Variants in FBXW10 observed in about 807,000 individuals in gnomAD.
FBXW10 encodes F-box/WD repeat-containing protein 10.
In FBXW10, 68 loss-of-function variants were observed where a neutral mutation model predicts 113.1. The ratio of observed to expected loss-of-function variants is 0.60; its 90% confidence interval spans 0.49 to 0.74. The LOEUF (loss-of-function observed/expected upper bound fraction) is 0.74, where lower values mean the gene tolerates loss of function less well. Among genes scored for constraint, FBXW10 ranks in the 30% least tolerant of loss-of-function variants. FBXW10 has a pLI of 0.00. For synonymous variants in FBXW10, 289 were observed against 481.6 expected, an observed-to-expected ratio of 0.60 and a Z score of 5.24; for missense variants, 753 against 1,284.5, an observed-to-expected ratio of 0.59 and a Z score of 6.32.
chr17:18,752,991 A>G (rs2151797142), intron 5 of FBXW10, among the ~76,000 whole-genome samples: 1 of 152,326 alleles, frequency 6.6e-6, no homozygotes, highest in African/African-American at 2.4e-5. Flanking sequence ...CCAGTGTTTG[A>G]CATTCTAGGA....
chr17:18,745,148 C>T, intron 1 of FBXW10: 2 of 1,053,154 alleles, frequency 1.9e-6, no homozygotes, highest in Non-Finnish European at 2.3e-6. Flanking sequence ...TCTTCAGCTG[C>T]CCTGCACAGA....
intron 9 of FBXW10, among the ~76,000 whole-genome samples, chr17:18,767,997 T>A (rs900072781): frequency 2.0e-5 from 3 of 151,522 alleles, no homozygotes; most frequent in African/African-American, 7.3e-5. Context: ...TTTTTTCTTT[T>A]ATTTTTTCTT....
chr17:18,772,357 T>C, intron 11 of FBXW10, 55 bp from the exon 12 acceptor site: 1 of 1,551,856 alleles, frequency 6.4e-7, no homozygotes. Context: ...CTGCAGTGCA[T>C]CTTTCGGTGG....
chr17:18,768,190 C>T (rs1380213248), intron 9 of FBXW10, among the ~76,000 whole-genome samples: 7 of 152,042 alleles, frequency 4.6e-5, no homozygotes, highest in Non-Finnish European at 7.4e-5. Flanking sequence ...GCCTCAGCCA[C>T]CCGAGTGGCT....
chr17:18,764,700 G>A, intron 7 of FBXW10, 42 bp from the exon 8 acceptor site: 9 of 1,613,574 alleles, frequency 5.6e-6, no homozygotes, highest in African/African-American at 1.3e-5. Context: ...GATCCTCTGG[G>A]CCCTCAGGAA....
chr17:18,770,057 G>T lies in FBXW10; in HGVS notation c.1978G>T (p.Val660Leu). 1 of 1,614,226 alleles carries T rather than the reference G, an allele frequency of 6.2e-7. No individual in the cohort carries two copies. Among genetic ancestry groups the T allele is most frequent in the Non-Finnish European group, 8.5e-7 (1 of 1,180,050 alleles). The change falls in exon 11 of 14, where the codon GTG becomes TTG. Residue 660 changes from valine (V) to leucine (L), a missense_variant. Coordinates refer to ENST00000395665, the MANE Select transcript of FBXW10 (RefSeq NM_001267585.2). ...VLKANGRGDP[V>L]LSFFIQGNRM... ...AAAAGCCAATGGCAGAGGTGATCCT[G>T]TGCTGTCCTTCTTTATTCAGGGCAA... is the stretch of plus-strand genomic sequence containing the variant.
intron 6 of FBXW10, among the ~76,000 whole-genome samples, chr17:18,757,323 A>G (rs1597593480): frequency 6.6e-6 from 1 of 152,196 alleles, no homozygotes; most frequent in African/African-American, 2.4e-5. Context: ...AGCTGGGACT[A>G]TAGGCACATG....
rs576950207 is a variant in FBXW10 at position 18,772,586 on chromosome 17, A to G, written c.2181A>G (p.Arg727=). 2,211 of 1,613,836 alleles carry G rather than the reference A, an allele frequency of 1.4e-3. 39 individuals carry two copies. The South Asian group carries it at 0.023, about 17-fold the overall frequency. ...SKCNIQVHSP[R]ESVSSKQTVI... is the part of the protein sequence containing the mutation. ...GTAATATTCAGGTTCACAGCCCAAG[A>G]GAGTCTGTATCCAGTAAACAAACTG... is the stretch of plus-strand genomic sequence containing the variant. The change falls in exon 12 of 14, where the codon AGA becomes AGG. Residue 727 remains arginine, a synonymous_variant. Coordinates refer to ENST00000395665, the MANE Select transcript of FBXW10 (RefSeq NM_001267585.2).
chr17:18,773,494 G>A (rs2035653414), intron 12 of FBXW10, among the ~76,000 whole-genome samples: 1 of 152,172 alleles, frequency 6.6e-6, no homozygotes. Context: ...GTGTGTGTGT[G>A]TTTGTGTGTG....
chr17:18,766,706 C>A lies in FBXW10; in HGVS notation c.1556-8C>A. 2 of 1,613,786 alleles carry A rather than the reference C, an allele frequency of 1.2e-6. No individual in the cohort carries two copies. Among genetic ancestry groups the A allele is most frequent in the Admixed American group, 1.7e-5 (1 of 60,000 alleles). Reference sequence around the variant, plus strand: ...TCCCATGTCTTCCTCTCTCTCCCTCCTGTTCAGTATGGGATGTAGACACAG... The same window carrying A: ...TCCCATGTCTTCCTCTCTCTCCCTCATGTTCAGTATGGGATGTAGACACAG... On this transcript the variant is annotated splice_region_variant and splice_polypyrimidine_tract_variant and intron_variant, in intron 8 of 13. Coordinates refer to ENST00000395665, the MANE Select transcript of FBXW10 (RefSeq NM_001267585.2).
At chr17:18,771,001 ATAT>A (rs1446526902) in intron 11 of FBXW10, among the ~76,000 whole-genome samples, 7 of 151,908 alleles carry the variant, frequency 4.6e-5, no homozygotes, top group Non-Finnish European at 8.8e-5. Context: ...TCCCTAAACC[ATAT>A]TGCCTTCCTT....
At chr17:18,768,934 A>ATTTT (rs59007149) in intron 10 of FBXW10, among the ~76,000 whole-genome samples, 5,365 of 114,268 alleles carry the variant, frequency 0.047, 320 homozygotes, top group South Asian at 0.093. Flanking sequence ...GAAGTTATTG[A>ATTTT]TTTTTTTTTT....
At chr17:18,770,226 G>C (rs896020846) in intron 11 of FBXW10, 141 bp downstream of exon 11, 29 of 1,314,714 alleles carry the variant, frequency 2.2e-5, no homozygotes, top group Non-Finnish European at 2.9e-5. Context: ...TGGCTGGGTG[G>C]AGCAATAGTC....
chr17:18,765,101 A>C (rs2035468624), intron 8 of FBXW10, among the ~76,000 whole-genome samples: 1 of 152,186 alleles, frequency 6.6e-6, no homozygotes, highest in Non-Finnish European at 1.5e-5. Context: ...TGAGGAGAAA[A>C]AAAATAATAG....
chr17:18,751,327 G>A (rs1241803507), intron 5 of FBXW10, among the ~76,000 whole-genome samples: 4 of 151,526 alleles, frequency 2.6e-5, no homozygotes, highest in East Asian at 3.9e-4. Flanking sequence ...CCGGGTTCAC[G>A]CCATTCTCCT....
intron 12 of FBXW10, among the ~76,000 whole-genome samples, chr17:18,773,336 C>A (rs1193728028): frequency 3.3e-5 from 5 of 152,212 alleles, no homozygotes; most frequent in African/African-American, 1.2e-4. Flanking sequence ...ATACCCCCAC[C>A]CCCCAAATTC....
intron 1 of FBXW10, chr17:18,745,262 C>G: frequency 1.0e-6 from 1 of 958,382 alleles, no homozygotes; most frequent in Non-Finnish European, 1.2e-6. Context: ...TAGAGTTTCT[C>G]CAAGGCTGGA....
At position 18,778,480 on chromosome 17, in the gene FBXW10, G is replaced by A. The variant is rs747191444; in HGVS notation, c.2341G>A (p.Asp781Asn). The change falls in exon 14 of 14, where the codon GAT (aspartate) becomes AAT (asparagine). Residue 781 changes from aspartate (D) to asparagine (N), a missense_variant. Coordinates refer to ENST00000395665, the MANE Select transcript of FBXW10 (RefSeq NM_001267585.2). ...TTTTCTTTTTTTTGAAAAAGCAGAT[G>A]ATGTGGAGAAAGCACAAAAACAAGG... Reference protein sequence around the residue: ...KSKSPRRDADDVEKAQKQGQL... With the variant: ...KSKSPRRDADNVEKAQKQGQL... 11 of 1,612,670 alleles carry A rather than the reference G, an allele frequency of 6.8e-6. No homozygotes were observed. Among genetic ancestry groups the A allele is most frequent in the South Asian group, 5.5e-5 (5 of 90,608 alleles).
At chr17:18,771,727 T>C (rs1237937368) in intron 11 of FBXW10, among the ~76,000 whole-genome samples, 1 of 152,190 alleles carries the variant, frequency 6.6e-6, no homozygotes, top group Non-Finnish European at 1.5e-5. Context: ...ACAAAAACAC[T>C]GAATTTCAAG....
Sources: gnomAD v4.1 joint callset for allele counts (sites outside exome capture counted in the v4.1 genomes callset) on GRCh38, gnomAD v4.1.1 for gene constraint, MANE v1.5 for transcripts, NCBI Gene and HGNC (gene_info 2026-07-23, HGNC 2026-07-21) for gene names.